The following KLF12 variants were observed in gnomAD, a reference collection of about 807,000 sequenced individuals.
KLF12 encodes KLF transcription factor 12.
KLF12 carries 9 observed loss-of-function variants against 37.8 expected under a neutral mutation model. The ratio of observed to expected loss-of-function variants is 0.24; its 90% CI spans 0.14 to 0.42. The LOEUF is 0.42. Among genes scored for constraint, KLF12 ranks in the 10% least tolerant of loss-of-function variants. KLF12 has a pLI of 1.00. For missense variants in KLF12, 411 were observed against 516.0 expected, an observed-to-expected ratio of 0.80 and a Z score of 1.97; for synonymous variants, 208 against 202.1, an observed-to-expected ratio of 1.03 and a Z score of -0.25.
At chr13:74,005,393 T>C (rs894843598) in intron 1 of KLF12, among the ~76,000 whole-genome samples, 4 of 152,180 alleles carry the variant, frequency 2.6e-5, no homozygotes. Flanking sequence ...TATCCCTGCC[T>C]ATCAGTGAGG....
At chr13:73,806,092 G>T (rs1882599700) in intron 5 of KLF12, among the ~76,000 whole-genome samples, 1 of 149,526 alleles carries the variant, frequency 6.7e-6, no homozygotes. Flanking sequence ...CACCCACTGT[G>T]CCCTGCCAGT....
At chr13:73,927,497 A>G (rs1485406080) in intron 3 of KLF12, among the ~76,000 whole-genome samples, 1 of 152,176 alleles carries the variant, frequency 6.6e-6, no homozygotes, top group Non-Finnish European at 1.5e-5. Flanking sequence ...CCAAACCTTT[A>G]CTAACAAGAG....
chr13:73,903,851 T>C (rs1888147278), intron 3 of KLF12, among the ~76,000 whole-genome samples: 1 of 152,186 alleles, frequency 6.6e-6, no homozygotes, highest in Admixed American at 6.5e-5. Flanking sequence ...CTACTGTAAC[T>C]GTGCATGTGA....
Position 73,805,646 on chromosome 13 carries a change from GAGGGAGGAAGGAAGGAAGGAAGGAAGGA to G in KLF12, c.806+7478_806+7505del, listed in dbSNP as rs1409501460. On this transcript the variant is annotated intron_variant, in intron 5 of 7. Coordinates refer to ENST00000377669, the MANE Select transcript of KLF12 (RefSeq NM_007249.5). ...GGAGGGAGGGAGGGAGGGAGGGAGG[GAGGGAGGAAGGAAGGAAGGAAGGAAGGA>G]AGGAAGGAAGGAAGGAAGGAAGGAA... Among the ~76,000 whole-genome samples, 44 of 24,704 alleles carry G rather than the reference GAGGGAGGAAGGAAGGAAGGAAGGAAGGA, an allele frequency of 1.8e-3. 2 individuals carry two copies. The highest frequency in any genetic ancestry group is 8.1e-3 in the African/African-American group (42 of 5,170). 16.2% of individuals were successfully genotyped at this position (24,704 alleles called of 152,430 possible). A position where few individuals can be genotyped will look rare whatever the true frequency, so the allele number is the denominator to read the frequency against.
chr13:73,795,173 C>T (rs991305775), intron 5 of KLF12, among the ~76,000 whole-genome samples: 8 of 152,212 alleles, frequency 5.3e-5, no homozygotes, highest in African/African-American at 1.9e-4. Flanking sequence ...AAAGATGGCT[C>T]TGCCTGATCC....
intron 5 of KLF12, among the ~76,000 whole-genome samples, chr13:73,792,937 C>T (rs1594097479): frequency 2.0e-5 from 3 of 152,182 alleles, no homozygotes; most frequent in Admixed American, 2.0e-4. Context: ...GTGGAGAGGG[C>T]ACATGCTGAA....
At chr13:73,966,947 T>C (rs79573609) in intron 2 of KLF12, among the ~76,000 whole-genome samples, 68 of 152,322 alleles carry the variant, frequency 4.5e-4, no homozygotes, top group Admixed American at 1.2e-3. Context: ...ATGCATTGCA[T>C]ATTGACCTGT....
At chr13:74,118,750 A>G (rs1192215311) in intron 1 of KLF12, among the ~76,000 whole-genome samples, 1 of 152,178 alleles carries the variant, frequency 6.6e-6, no homozygotes, top group Non-Finnish European at 1.5e-5. Context: ...CCTTTCCAAC[A>G]TCTTAATTGT....
chr13:74,252,066 A>G, the KLF12 span, among the ~76,000 whole-genome samples: 1 of 152,178 alleles, frequency 6.6e-6, no homozygotes, highest in Non-Finnish European at 1.5e-5. Context: ...TCACAAGGGC[A>G]GGCACCACTT....
intron 1 of KLF12, among the ~76,000 whole-genome samples, chr13:74,020,497 A>ATTTT (rs1197717181): frequency 1.3e-5 from 2 of 152,202 alleles, no homozygotes; most frequent in African/African-American, 2.4e-5. Context: ...TATGGCCAGG[A>ATTTT]TCAGGAAAAA....
the KLF12 span, among the ~76,000 whole-genome samples, chr13:74,140,729 G>A: frequency 6.6e-6 from 1 of 151,994 alleles, no homozygotes; most frequent in Non-Finnish European, 1.5e-5. Context: ...AAGAAATCAT[G>A]AGAAACTGAT....
chr13:73,766,023 A>C (rs1210329085), intron 5 of KLF12, among the ~76,000 whole-genome samples: 1 of 152,206 alleles, frequency 6.6e-6, no homozygotes, highest in African/African-American at 2.4e-5. Context: ...CTAAGGGCCA[A>C]CTGCAGTCTT....
chr13:74,112,388 C>CTG (rs57629780), intron 1 of KLF12, among the ~76,000 whole-genome samples: 9 of 143,412 alleles, frequency 6.3e-5, no homozygotes, highest in African/African-American at 2.5e-4. Context: ...CAGATATTGT[C>CTG]TGTGTGTGTG....
At chr13:74,242,495 C>G in the KLF12 span, among the ~76,000 whole-genome samples, 1 of 152,116 alleles carries the variant, frequency 6.6e-6, no homozygotes, top group Non-Finnish European at 1.5e-5. Flanking sequence ...GGAAACTATT[C>G]CCATGATTCA....
intron 4 of KLF12, among the ~76,000 whole-genome samples, chr13:73,836,925 T>TA (rs1452382605): frequency 6.6e-6 from 1 of 152,142 alleles, no homozygotes; most frequent in Non-Finnish European, 1.5e-5. Flanking sequence ...ACCTAATAAA[T>TA]AAAATAGTGT....
In KLF12 at chr13:73,987,783, A is replaced by AGAAGTGGGAGAGGAGAGAG. The variant is rs1593809165; in HGVS notation, c.33+7188_33+7206dup. Among the ~76,000 whole-genome samples, 5 of 94,206 alleles carry AGAAGTGGGAGAGGAGAGAG rather than the reference A, an allele frequency of 5.3e-5. No homozygotes were observed. In the East Asian group the frequency reaches 1.7e-3, roughly 33 times the overall value. The allele number at this position is 94,206 out of a possible 152,430, so 61.8% of individuals were successfully genotyped here. On this transcript the variant is annotated intron_variant, in intron 2 of 7. Coordinates refer to ENST00000377669, the MANE Select transcript of KLF12 (RefSeq NM_007249.5). ...GAGAGGAAATTGGAGAGGGGAGAGAAGAAGTGGGAGAGGAGAGAGAAAGTG... is the reference window on the plus strand; with the variant it reads ...GAGAGGAAATTGGAGAGGGGAGAGAAGAAGTGGGAGAGGAGAGAGGAAGTGGGAGAGGAGAGAGAAAGTG...
intron 3 of KLF12, among the ~76,000 whole-genome samples, chr13:73,912,980 C>T (rs887007594): frequency 2.9e-4 from 30 of 102,068 alleles, no homozygotes; most frequent in Non-Finnish European, 6.0e-4. Context: ...TTATCTCATG[C>T]GTTACCTTCT....
the KLF12 span, among the ~76,000 whole-genome samples, chr13:74,198,438 C>T: frequency 1.2e-4 from 19 of 152,246 alleles, 1 homozygote; most frequent in South Asian, 4.1e-4. Flanking sequence ...TGTAGACCGG[C>T]GCTGCTCTAA....
chr13:74,156,342 G>A, the KLF12 span, among the ~76,000 whole-genome samples: 1 of 152,094 alleles, frequency 6.6e-6, no homozygotes, highest in African/African-American at 2.4e-5. Flanking sequence ...TTGGGATGAA[G>A]GAACCTGCTC....
Sources: allele counts gnomAD v4.1 joint callset (sites outside exome capture counted in the v4.1 genomes callset), GRCh38; gene constraint gnomAD v4.1.1; transcripts MANE v1.5; gene names NCBI Gene and HGNC (gene_info 2026-07-23, HGNC 2026-07-21).